The following ITPR1 variants were observed in gnomAD, a reference collection of about 807,000 sequenced individuals.
The protein encoded by ITPR1 is inositol 1,4,5-trisphosphate-gated calcium channel ITPR1.
In ITPR1, 96 loss-of-function variants were observed where a neutral mutation model predicts 318.4. That is an observed-to-expected ratio of 0.30 (90% confidence interval 0.26 to 0.36). ITPR1 has a LOEUF of 0.36. Among genes scored for constraint, ITPR1 ranks in the 10% least tolerant of loss-of-function variants. The probability of loss-of-function intolerance (pLI) is 1.00; values close to 1 mark genes in which losing one functional copy is unlikely to be tolerated. For missense variants in ITPR1, 2,440 were observed against 3,460.2 expected, an observed-to-expected ratio of 0.71 and a Z score of 7.40; for synonymous variants, 1,312 against 1,289.9, an observed-to-expected ratio of 1.02 and a Z score of -0.37.
chr3:4,496,576 T>G (rs1455269966), intron 2 of ITPR1, among the ~76,000 whole-genome samples: 1 of 152,206 alleles, frequency 6.6e-6, no homozygotes, highest in African/African-American at 2.4e-5. Flanking sequence ...AGAAGTGGAA[T>G]GGTTGCTTAG....
chr3:4,719,879 C>T (rs1290060786), intron 40 of ITPR1, among the ~76,000 whole-genome samples: 1 of 150,048 alleles, frequency 6.7e-6, no homozygotes, highest in Non-Finnish European at 1.5e-5. Context: ...TCCATCCTTA[C>T]CCCCTGATTT....
intron 39 of ITPR1, among the ~76,000 whole-genome samples, chr3:4,712,654 G>A (rs921591332): frequency 6.6e-5 from 10 of 152,236 alleles, no homozygotes; most frequent in Non-Finnish European, 1.5e-4. Flanking sequence ...GCTCTAGGAA[G>A]AAGCCTTGAT....
chr3:4,815,640 A>G (rs2049244919), intron 59 of ITPR1, among the ~76,000 whole-genome samples: 1 of 152,204 alleles, frequency 6.6e-6, no homozygotes, highest in African/African-American at 2.4e-5. Flanking sequence ...GCTACGTAAA[A>G]GAGGTGCATG....
intron 33 of ITPR1, 49 bp from the exon 34 acceptor site, chr3:4,697,098 C>G: frequency 6.3e-7 from 1 of 1,593,170 alleles, no homozygotes; most frequent in East Asian, 2.2e-5. Flanking sequence ...CTAATGAGTT[C>G]CATACACACC....
chr3:4,694,440 A>T (rs57577945), intron 33 of ITPR1, among the ~76,000 whole-genome samples: 7,949 of 151,360 alleles, frequency 0.053, 725 homozygotes, highest in African/African-American at 0.18. Context: ...TATATCATAT[A>T]ATGTTTTTAG....
At position 4,814,523 on chromosome 3, in the gene ITPR1, G is replaced by C; in HGVS notation, c.7662G>C (p.Gly2554=). ...TGCTGAGTCACGGGCTGCGGAGCGG[G>C]GGTGGAGTAGGAGATGTACTCAGGA... The part of the protein sequence containing the change: ...VTVLSHGLRS[G]GGVGDVLRKP... The change falls in exon 58 of 62, where the codon GGG becomes GGC. Residue 2554 remains glycine (G), a synonymous_variant. Coordinates refer to ENST00000649015, the MANE Select transcript of ITPR1 (RefSeq NM_001378452.1). 10 of 1,613,648 alleles carry C rather than the reference G, an allele frequency of 6.2e-6. No individual in the cohort carries two copies. The highest frequency in any genetic ancestry group is 7.6e-6 in the Non-Finnish European group (9 of 1,179,756).
At chr3:4,785,954 A>G (rs1222353310) in intron 51 of ITPR1, among the ~76,000 whole-genome samples, 1 of 152,188 alleles carries the variant, frequency 6.6e-6, no homozygotes, top group Admixed American at 6.5e-5. Flanking sequence ...GGAGTGATCG[A>G]TGCAAAGCCA....
chr3:4,699,960 C>T lies in ITPR1; in HGVS notation c.4536+19C>T, dbSNP rs779509186. On this transcript the variant is annotated intron_variant, in intron 35 of 61. Transcript: ENST00000649015. ...TTTGCAGGTAAGAAATAACCAACGT[C>T]AAGCAGAATGTTCACGATACACCTT... is the stretch of plus-strand genomic sequence containing the variant. The T allele has an allele frequency of 1.9e-6, 3 of 1,609,334 alleles. No individual in the cohort carries two copies. In the East Asian group the frequency reaches 6.7e-5, roughly 36 times the overall value.
chr3:4,619,201 T>A (rs2092500300), intron 4 of ITPR1, among the ~76,000 whole-genome samples: 1 of 152,210 alleles, frequency 6.6e-6, no homozygotes. Context: ...ATCTTCTCCT[T>A]GTCCCATTAG....
chr3:4,803,669 G>A (rs1215534170), intron 54 of ITPR1, among the ~76,000 whole-genome samples: 1 of 152,124 alleles, frequency 6.6e-6, no homozygotes, highest in East Asian at 1.9e-4. Flanking sequence ...TAGAAAAAAT[G>A]TTCAGTATTT....
In ITPR1 at chr3:4,725,157, T is replaced by C. The variant is rs1039057590; in HGVS notation, c.5137-389T>C. ...GCTTTCATCACTACCCCTGCTCCCC[T>C]GAGAGCCTCCGTGGACACGCATACT... is the stretch of plus-strand genomic sequence containing the variant. On this transcript the variant is annotated intron_variant, in intron 40 of 61. Coordinates refer to ENST00000649015, the MANE Select transcript of ITPR1 (RefSeq NM_001378452.1). Among the ~76,000 whole-genome samples the C allele has an allele frequency of 2.6e-5, 4 of 151,812 alleles. No individual in the cohort carries two copies. The East Asian group carries it at 7.8e-4, about 30-fold the overall frequency.
chr3:4,757,724 G>A (rs1323995229), intron 44 of ITPR1, among the ~76,000 whole-genome samples: 3 of 152,222 alleles, frequency 2.0e-5, no homozygotes, highest in African/African-American at 7.2e-5. Context: ...GATGAAATGA[G>A]ATAATGCATA....
At chr3:4,619,669 TGC>T in intron 4 of ITPR1, among the ~76,000 whole-genome samples, 1 of 3,038 alleles carries the variant, frequency 3.3e-4, no homozygotes, top group South Asian at 0.036. Flanking sequence ...TGCTCTCCTC[TGC>T]TCTCCCCTGC....
chr3:4,668,660 G>T (rs1337927409), intron 18 of ITPR1, among the ~76,000 whole-genome samples: 1 of 152,038 alleles, frequency 6.6e-6, no homozygotes, highest in Non-Finnish European at 1.5e-5. Flanking sequence ...TAGAGACGGG[G>T]TTTCACCATA....
intron 10 of ITPR1, among the ~76,000 whole-genome samples, chr3:4,650,278 C>G (rs768776222): frequency 1.3e-5 from 2 of 152,150 alleles, no homozygotes; most frequent in East Asian, 3.8e-4. Context: ...CTATTTTTGA[C>G]CTTCTGAGGA....
At chr3:4,708,469 A>C (rs1371768090) in intron 37 of ITPR1, among the ~76,000 whole-genome samples, 3 of 152,196 alleles carry the variant, frequency 2.0e-5, no homozygotes, top group African/African-American at 4.8e-5. Flanking sequence ...TAACACAACC[A>C]GTTCTTAAAT....
At chr3:4,597,588 C>A (rs977576615) in intron 4 of ITPR1, among the ~76,000 whole-genome samples, 1 of 152,122 alleles carries the variant, frequency 6.6e-6, no homozygotes, top group African/African-American at 2.4e-5. Flanking sequence ...GGCATTTGGG[C>A]TCCTCTGTGA....
chr3:4,707,969 G>C (rs979289318), intron 37 of ITPR1, among the ~76,000 whole-genome samples: 4 of 152,236 alleles, frequency 2.6e-5, no homozygotes, highest in African/African-American at 7.2e-5. Context: ...AAGGGAGAAA[G>C]AGACATTAAT....
intron 4 of ITPR1, among the ~76,000 whole-genome samples, chr3:4,604,227 G>GACTT (rs2091524573): frequency 6.6e-6 from 1 of 152,140 alleles, no homozygotes; most frequent in Non-Finnish European, 1.5e-5. Context: ...GGTTATGGAA[G>GACTT]ACTTCTGTGC....
Sources: gnomAD v4.1 joint callset for allele counts (sites outside exome capture counted in the v4.1 genomes callset) on GRCh38, gnomAD v4.1.1 for gene constraint, MANE v1.5 for transcripts, NCBI Gene and HGNC (gene_info 2026-07-23, HGNC 2026-07-21) for gene names.